Variants in PRPSAP1 observed in about 807,000 individuals in gnomAD.
PRPSAP1 encodes phosphoribosyl pyrophosphate synthase-associated protein 1.
A neutral mutation model predicts 39.4 loss-of-function variants in PRPSAP1; 31 were observed. That is an observed-to-expected ratio of 0.79 (90% CI 0.59 to 1.06). The LOEUF (loss-of-function observed/expected upper bound fraction) is 1.06, where lower values mean the gene tolerates loss of function less well. PRPSAP1 is among the 50% of genes least tolerant of loss of function. The pLI, the probability that PRPSAP1 is intolerant of heterozygous loss-of-function variation, is 0.00. For synonymous variants in PRPSAP1, 212 were observed against 192.6 expected (o/e 1.10, Z -0.83); for missense variants, 430 against 511.6 (o/e 0.84, Z 1.54).
intron 3 of PRPSAP1, among the ~76,000 whole-genome samples, chr17:76,344,411 G>A (rs1598539974): frequency 6.6e-6 from 1 of 152,164 alleles, no homozygotes; most frequent in Non-Finnish European, 1.5e-5. Flanking sequence ...TTACAGGCGT[G>A]AGCCATCGTG....
intron 6 of PRPSAP1, 95 bp downstream of exon 6, chr17:76,329,948 A>C (rs2071303161): frequency 2.4e-6 from 3 of 1,234,544 alleles, no homozygotes; most frequent in African/African-American, 3.0e-5. Flanking sequence ...GTGGGCTTTC[A>C]AAGGCCACGA....
intron 3 of PRPSAP1, among the ~76,000 whole-genome samples, chr17:76,333,378 G>A (rs1209739211): frequency 6.6e-6 from 1 of 152,136 alleles, no homozygotes; most frequent in African/African-American, 2.4e-5. Context: ...CCAAAGTGCT[G>A]GGATTACAGG....
At chr17:76,352,645 A>G (rs191337398) in intron 1 of PRPSAP1, among the ~76,000 whole-genome samples, 13 of 82,982 alleles carry the variant, frequency 1.6e-4, no homozygotes, top group African/African-American at 7.7e-4. Flanking sequence ...ACTCCGTCTC[A>G]AAAAAAAAAA....
Position 76,332,252 on chromosome 17 carries a change from C to T in PRPSAP1, c.463+11G>A, listed in dbSNP as rs146795671. 3.8e-5 allele frequency: 62 copies of T among 1,613,072 alleles called. No homozygotes were observed. The African/African-American group carries it at 5.6e-4, about 15-fold the overall frequency. On this transcript the variant is annotated intron_variant, in intron 4 of 9. Coordinates refer to ENST00000446526, the MANE Select transcript of PRPSAP1 (RefSeq NM_002766.3). ...TCATGCTGGAACCCCAGGGCCCCCG[C>T]GCACACTCACCTGCTTTCGCCAGCA...
At chr17:76,329,544 GA>G (rs962592553) in intron 6 of PRPSAP1, among the ~76,000 whole-genome samples, 1 of 152,122 alleles carries the variant, frequency 6.6e-6, no homozygotes, top group African/African-American at 2.4e-5. Context: ...AGACTAGTCT[GA>G]TGAACATGGT....
At chr17:76,312,207 G>A (rs1314611873) in intron 9 of PRPSAP1, among the ~76,000 whole-genome samples, 6 of 152,146 alleles carry the variant, frequency 3.9e-5, no homozygotes, top group African/African-American at 1.2e-4. Flanking sequence ...TTGGGAGGCC[G>A]AGGCAGGTGG....
chr17:76,336,254 A>G lies in PRPSAP1; in HGVS notation c.291-3819T>C, dbSNP rs528911392. Among the ~76,000 whole-genome samples, 434 of 152,232 alleles carry G rather than the reference A, an allele frequency of 2.9e-3. 1 individual carries two copies. The highest frequency in any genetic ancestry group is 9.3e-3 in the African/African-American group (387 of 41,534). The stretch of plus-strand genomic sequence containing the variant: ...GGAGTTAGAGACCAGCCTAACCAAC[A>G]TGGTGAAAGCCCGTCTCTACTAAAA... On this transcript the variant is annotated intron_variant, in intron 3 of 9. Coordinates refer to ENST00000446526, the MANE Select transcript of PRPSAP1 (RefSeq NM_002766.3).
At chr17:76,320,591 A>ATT (rs34656314) in intron 7 of PRPSAP1, among the ~76,000 whole-genome samples, 40,449 of 138,832 alleles carry the variant, frequency 0.29, 6,677 homozygotes, top group African/African-American at 0.45. Flanking sequence ...CGTCCAGCTA[A>ATT]TTTTTTTTTT....
At chr17:76,341,920 CAG>C (rs1427001443) in intron 3 of PRPSAP1, among the ~76,000 whole-genome samples, 1 of 152,136 alleles carries the variant, frequency 6.6e-6, no homozygotes, top group Non-Finnish European at 1.5e-5. Context: ...GCCTGGGCGA[CAG>C]AGTGAGACTC....
At chr17:76,314,231 T>TGTATG in intron 7 of PRPSAP1, 1 of 271,708 alleles carries the variant, frequency 3.7e-6, no homozygotes. Flanking sequence ...TATGTATGTA[T>TGTATG]TTTTTGAGAC....
At chr17:76,337,087 C>T (rs960557451) in intron 3 of PRPSAP1, among the ~76,000 whole-genome samples, 11 of 152,070 alleles carry the variant, frequency 7.2e-5, no homozygotes, top group African/African-American at 2.7e-4. Flanking sequence ...AACTACTTTT[C>T]TTTCTTTTTT....
At chr17:76,317,275 G>A (rs1330552084) in intron 7 of PRPSAP1, among the ~76,000 whole-genome samples, 3 of 152,112 alleles carry the variant, frequency 2.0e-5, no homozygotes, top group Non-Finnish European at 4.4e-5. Flanking sequence ...GCTTGGGCCC[G>A]GGAGGTGGAG....
chr17:76,313,913 C>T (rs2071094450), intron 7 of PRPSAP1, 22 bp from the exon 8 acceptor site: 2 of 1,612,966 alleles, frequency 1.2e-6, no homozygotes, highest in East Asian at 2.2e-5. Context: ...AAACAAATTA[C>T]AAGATCTCAG....
At chr17:76,320,204 A>G (rs2071174333) in intron 7 of PRPSAP1, among the ~76,000 whole-genome samples, 1 of 151,688 alleles carries the variant, frequency 6.6e-6, no homozygotes, top group African/African-American at 2.4e-5. Context: ...TGGAAAGCAA[A>G]GGTTGCAGTG....
At chr17:76,331,796 A>G (rs1363496959) in intron 4 of PRPSAP1, among the ~76,000 whole-genome samples, 1 of 152,138 alleles carries the variant, frequency 6.6e-6, no homozygotes, top group East Asian at 1.9e-4. Context: ...CAGGCCAGAA[A>G]GCGTGCCCCC....
chr17:76,339,524 T>C (rs1288074146), intron 3 of PRPSAP1, among the ~76,000 whole-genome samples: 1 of 151,862 alleles, frequency 6.6e-6, no homozygotes, highest in Non-Finnish European at 1.5e-5. Flanking sequence ...TCCTTTCTTC[T>C]TCCATCCCTA....
intron 7 of PRPSAP1, among the ~76,000 whole-genome samples, chr17:76,319,190 G>A (rs545170267): frequency 1.3e-4 from 19 of 151,596 alleles, no homozygotes; most frequent in Non-Finnish European, 2.5e-4. Context: ...TGCCTGCCTC[G>A]GCCTCCCAAA....
At chr17:76,331,358 C>T (rs973943234) in intron 4 of PRPSAP1, among the ~76,000 whole-genome samples, 1 of 152,044 alleles carries the variant, frequency 6.6e-6, no homozygotes, top group Non-Finnish European at 1.5e-5. Flanking sequence ...TACAGTTGAC[C>T]ATCTGGATCT....
In PRPSAP1 at chr17:76,311,384, G is replaced by T; in HGVS notation, c.*158C>A. 1.4e-6 allele frequency: 1 copy of T among 728,278 alleles called. No homozygotes were observed. The highest frequency in any genetic ancestry group is 2.1e-6 in the Non-Finnish European group (1 of 471,294). 45.1% of individuals were successfully genotyped at this position (728,278 alleles called of 1,614,324 possible). ...TATCCATTAGCTCTGTCTTCTTCCT[G>T]ACTCTTTTAATCCCTCCTCCCCATC... On this transcript the variant is annotated 3_prime_UTR_variant, in exon 10 of 10. Coordinates refer to ENST00000446526, the MANE Select transcript of PRPSAP1 (RefSeq NM_002766.3).
Sources: gnomAD v4.1 joint callset for allele counts (sites outside exome capture counted in the v4.1 genomes callset) on GRCh38, gnomAD v4.1.1 for gene constraint, MANE v1.5 for transcripts, NCBI Gene and HGNC (gene_info 2026-07-23, HGNC 2026-07-21) for gene names.